Variants in RUNX3 observed in about 807,000 individuals in gnomAD.
The protein encoded by RUNX3 is runt-related transcription factor 3.
Under a neutral mutation model 27.7 loss-of-function variants are expected in RUNX3, and 10 were observed. The ratio of observed to expected loss-of-function variants is 0.36; its 90% CI spans 0.22 to 0.61. RUNX3 has a LOEUF of 0.61. Among genes scored for constraint, RUNX3 ranks in the 20% least tolerant of loss-of-function variants. RUNX3 has a pLI of 0.72. For synonymous variants in RUNX3, 270 were observed against 269.2 expected (o/e 1.00, Z -0.03); for missense variants, 469 against 629.5 (o/e 0.75, Z 2.73).
Position 24,962,620 on chromosome 1 carries a change from C to T in RUNX3, c.58+1894G>A, listed in dbSNP as rs1642145395. On this transcript the variant is annotated intron_variant, in intron 2 of 6. Transcript: ENST00000338888. The surrounding 1 kb of genome is among the most constrained non-coding windows in gnomAD (Gnocchi z 4.5). ...TCTCCACAAAAGTGGAGGGAAGGCC[C>T]TCGGGCCACAGACCCCAGATCCAAA... Among the ~76,000 whole-genome samples the T allele has an allele frequency of 6.6e-6, 1 of 152,190 alleles. No individual in the cohort carries two copies. The highest frequency in any genetic ancestry group is 6.5e-5 in the Admixed American group (1 of 15,286).
In RUNX3 at chr1:24,907,285, C is replaced by T; in HGVS notation, c.677G>A (p.Ser226Asn). The part of the protein sequence containing the change: ...RGSLSTTSHF[S>N]SQPQTPIQGT... ...TTGGATTGGGGTCTGGGGCTGGCTG[C>T]TGAAGTGGCTTGTGGTGCTGAGTGA... Residue 226 changes from serine to asparagine, a missense_variant, in exon 4 of 5, where the codon AGC (serine) becomes AAC (asparagine). Ser to Asn is a conservative substitution (Grantham distance 46). This residue lies in a region of RUNX3 where 279 missense variants were observed against 343.0 expected (regional missense o/e 0.81). Transcript: ENST00000308873. The T allele has an allele frequency of 6.2e-7, 1 of 1,612,592 alleles. No individual in the cohort carries two copies. Among genetic ancestry groups the T allele is most frequent in the Non-Finnish European group, 8.5e-7 (1 of 1,180,016 alleles).
intron 3 of RUNX3, among the ~76,000 whole-genome samples, chr1:24,908,496 A>G (rs1173719803): frequency 6.6e-6 from 1 of 152,126 alleles, no homozygotes; most frequent in Non-Finnish European, 1.5e-5. Flanking sequence ...AAATTAAAAA[A>G]AAAAAAGAAA....
In RUNX3 at chr1:24,943,415, G is replaced by C. The variant is rs537750254; in HGVS notation, c.59-13563C>G. Reference sequence around the variant, plus strand: ...CACTGATGGTGTGCTCACGGTGCCAGGCACGGTTCTGAGAACTCACACAGC... The same window carrying C: ...CACTGATGGTGTGCTCACGGTGCCACGCACGGTTCTGAGAACTCACACAGC... On this transcript the variant is annotated intron_variant, in intron 2 of 6. Transcript: ENST00000338888. This position sits in a 1 kb window ranked among gnomAD's most constrained non-coding sequence, Gnocchi z 4.6. Among the ~76,000 whole-genome samples the C allele has an allele frequency of 6.6e-6, 1 of 152,324 alleles. No homozygotes were observed. The highest frequency in any genetic ancestry group is 2.4e-5 in the African/African-American group (1 of 41,578).
chr1:24,921,131 C>A (rs1330582798), intron 2 of RUNX3, among the ~76,000 whole-genome samples: 2 of 152,156 alleles, frequency 1.3e-5, no homozygotes, highest in African/African-American at 4.8e-5. Flanking sequence ...CTCTGGTGTC[C>A]CCCTGACACG....
Position 24,907,280 on chromosome 1 carries a change from G to T in RUNX3, c.682C>A (p.Gln228Lys). Reference sequence around the variant, plus strand: ...GTACCTTGGATTGGGGTCTGGGGCTGGCTGCTGAAGTGGCTTGTGGTGCTG... The same window carrying T: ...GTACCTTGGATTGGGGTCTGGGGCTTGCTGCTGAAGTGGCTTGTGGTGCTG... ...SLSTTSHFSS[Q>K]PQTPIQGTSE... The change falls in exon 4 of 5, where the codon CAG becomes AAG. Residue 228 changes from glutamine to lysine, a missense_variant. Around this residue, in one of 3 missense-constraint regions of RUNX3, gnomAD observed 279 missense variants for 343.0 expected, o/e 0.81. Coordinates refer to ENST00000308873, the MANE Select transcript of RUNX3 (RefSeq NM_004350.3). The T allele has an allele frequency of 6.2e-7, 1 of 1,612,196 alleles. No homozygotes were observed.
chr1:24,939,469 T>G (rs556528578), intron 2 of RUNX3, among the ~76,000 whole-genome samples: 1 of 152,358 alleles, frequency 6.6e-6, no homozygotes, highest in African/African-American at 2.4e-5. Flanking sequence ...TAGGCCCCAT[T>G]ATATGAGTGG....
In RUNX3 at chr1:24,927,638, C is replaced by T. The variant is rs140153168; in HGVS notation, c.375G>A (p.Ser125=). ...ENYSAELRNA[S]AVMKNQVARF... Reference sequence around the variant, plus strand: ...TGGCCACCTGGTTCTTCATGACGGCCGAGGCATTGCGCAGCTCAGCGGAGT... The same window carrying T: ...TGGCCACCTGGTTCTTCATGACGGCTGAGGCATTGCGCAGCTCAGCGGAGT... Residue 125 remains serine (S), a synonymous_variant, in exon 2 of 5, where the codon TCG becomes TCA. Coordinates refer to ENST00000308873, the MANE Select transcript of RUNX3 (RefSeq NM_004350.3). The surrounding 1 kb of genome is among the most constrained non-coding windows in gnomAD (Gnocchi z 5.0). 241 of 1,614,144 alleles carry T rather than the reference C, an allele frequency of 1.5e-4. 1 individual carries two copies. In the African/African-American group the frequency reaches 2.6e-3, roughly 18 times the overall value.
chr1:24,929,590 GA>G lies in RUNX3; in HGVS notation c.278del (p.Phe93SerfsTer15). On this transcript the variant is annotated frameshift_variant, in exon 1 of 5. Transcript: ENST00000308873. LOFTEE classifies it high-confidence loss of function. The stretch of plus-strand genomic sequence containing the variant: ...CCGCCCCGGGTCCCGCACTCACCTT[GA>G]AGGCGACGGGCAGCGTCTTGTTGCA... The part of the protein sequence containing the change: ...WRCNKTLPVA[F>X]KVVALGDVPD... 1.2e-6 allele frequency: 2 copies of G among 1,605,904 alleles called. No individual in the cohort carries two copies. Among genetic ancestry groups the G allele is most frequent in the African/African-American group, 1.3e-5 (1 of 74,930 alleles).
upstream of RUNX3, among the ~76,000 whole-genome samples, chr1:24,933,560 A>G (rs1378815731): frequency 1.3e-5 from 2 of 152,078 alleles, no homozygotes; most frequent in South Asian, 4.1e-4. Flanking sequence ...TGATCCCTCA[A>G]TTCGCCCACA....
rs949341403 is a variant in RUNX3, at chr1:24,957,264, G to A, written c.58+7250C>T. ...AACAAGTGTTTCAAAGAAGAAGCCA[G>A]ACAGTGAAGGGGGAAGTGAGGGAGA... On this transcript the variant is annotated intron_variant, in intron 2 of 6. Coordinates refer to the RUNX3 transcript ENST00000338888. 9.9e-5 allele frequency among the ~76,000 whole-genome samples: 15 copies of A among 152,230 alleles called. 1 individual carries two copies. Among genetic ancestry groups the A allele is most frequent in the African/African-American group, 3.6e-4 (15 of 41,448 alleles).
chr1:24,922,921 T>C, intron 2 of RUNX3, among the ~76,000 whole-genome samples: 1 of 152,082 alleles, frequency 6.6e-6, no homozygotes. Flanking sequence ...CATCTACTCA[T>C]TTTGTCTCCT....
At chr1:24,925,270 C>A (rs1641076898) in intron 2 of RUNX3, among the ~76,000 whole-genome samples, 2 of 152,138 alleles carry the variant, frequency 1.3e-5, no homozygotes, top group South Asian at 4.1e-4. Context: ...TCCCTGCCAA[C>A]CGCCTCCACC....
rs576987921 is a variant in RUNX3, at chr1:24,905,403, G to A, written c.703+1856C>T. Among the ~76,000 whole-genome samples, 32 of 152,346 alleles carry A rather than the reference G, an allele frequency of 2.1e-4. No individual in the cohort carries two copies. In the South Asian group the frequency reaches 2.9e-3, roughly 14 times the overall value. ...CATGCTCGCCCTGTCCTGGTCATCC[G>A]AGGCCCTTTCTCTCACCCAAAGGGG... On this transcript the variant is annotated intron_variant, in intron 4 of 4. Coordinates refer to ENST00000308873, the MANE Select transcript of RUNX3 (RefSeq NM_004350.3).
chr1:24,936,187 G>GAA (rs1305599430), intron 2 of RUNX3, among the ~76,000 whole-genome samples: 1 of 152,376 alleles, frequency 6.6e-6, no homozygotes, highest in East Asian at 1.9e-4. Flanking sequence ...GGCAGGGAGA[G>GAA]AAAGGGCTCT....
At chr1:24,918,593 AG>A (rs1229245036) in intron 3 of RUNX3, among the ~76,000 whole-genome samples, 3 of 151,798 alleles carry the variant, frequency 2.0e-5, no homozygotes, top group African/African-American at 7.3e-5. Flanking sequence ...TCATTCAGTC[AG>A]TCAGTCAGTC....
At chr1:24,920,183 C>T (rs1168242811) in intron 2 of RUNX3, among the ~76,000 whole-genome samples, 2 of 151,548 alleles carry the variant, frequency 1.3e-5, no homozygotes, top group Non-Finnish European at 2.9e-5. Flanking sequence ...ATTCAAAATT[C>T]CTGAGAGGGG....
At chr1:24,950,689 C>G (rs1024993266) in intron 2 of RUNX3, among the ~76,000 whole-genome samples, 16 of 152,054 alleles carry the variant, frequency 1.1e-4, no homozygotes, top group Non-Finnish European at 2.2e-4. Flanking sequence ...TGGACAAGCA[C>G]AGGGGGCCAT....
intron 3 of RUNX3, among the ~76,000 whole-genome samples, chr1:24,907,641 G>A (rs766140890): frequency 2.6e-5 from 4 of 152,046 alleles, no homozygotes; most frequent in African/African-American, 9.6e-5. Context: ...TACAACACAC[G>A]GTGATCCAAA....
intron 2 of RUNX3, among the ~76,000 whole-genome samples, chr1:24,942,269 T>A (rs1471017137): frequency 6.6e-6 from 1 of 152,116 alleles, no homozygotes; most frequent in Admixed American, 6.5e-5. Flanking sequence ...ACACACTTAT[T>A]AGGCACCTAG....
Sources: allele counts gnomAD v4.1 joint callset (sites outside exome capture counted in the v4.1 genomes callset), GRCh38; gene constraint gnomAD v4.1.1; regional missense constraint gnomAD v4.1.1; non-coding constraint Gnocchi (gnomAD v3.1); transcripts MANE v1.5; gene names NCBI Gene and HGNC (gene_info 2026-07-23, HGNC 2026-07-21).